The following RIC8B variants were observed in gnomAD, a reference collection of about 807,000 sequenced individuals.
RIC8B encodes chaperone Ric-8B.
Under a neutral mutation model 57.5 loss-of-function variants are expected in RIC8B, and 16 were observed. That is an observed-to-expected ratio of 0.28 (90% CI 0.19 to 0.42). RIC8B has a LOEUF of 0.42. RIC8B is among the 10% of genes least tolerant of loss of function. RIC8B has a pLI of 1.00. For missense variants in RIC8B, 481 were observed against 677.0 expected, an observed-to-expected ratio of 0.71 and a Z score of 3.21; for synonymous variants, 216 against 250.8, an observed-to-expected ratio of 0.86 and a Z score of 1.31.
Position 106,815,243 on chromosome 12 carries a change from C to G in RIC8B, c.680C>G (p.Ala227Gly). The G allele has an allele frequency of 6.2e-7, 1 of 1,614,096 alleles. No homozygotes were observed. The highest frequency in any genetic ancestry group is 8.5e-7 in the Non-Finnish European group (1 of 1,179,994). ...PPLSPQETDC[A>G]IEALKALFNV... is the part of the protein sequence containing the mutation. Reference sequence around the variant, plus strand: ...CTCTCACCTCAGGAGACAGACTGTGCCATTGAGGCCCTCAAAGCTCTCTTC... The same window carrying G: ...CTCTCACCTCAGGAGACAGACTGTGGCATTGAGGCCCTCAAAGCTCTCTTC... Residue 227 changes from alanine to glycine, a missense_variant, in exon 3 of 10, where the codon GCC (alanine) becomes GGC (glycine). Around this residue, in one of 3 missense-constraint regions of RIC8B, gnomAD observed 421 missense variants for 560.9 expected, o/e 0.75. Coordinates refer to ENST00000392837, the MANE Select transcript of RIC8B (RefSeq NM_001330145.2).
chr12:106,776,590 T>C (rs886260940), intron 1 of RIC8B, among the ~76,000 whole-genome samples: 1 of 152,200 alleles, frequency 6.6e-6, no homozygotes, highest in Admixed American at 6.5e-5. Flanking sequence ...CTAATTAGAC[T>C]CCAGATTTGC....
chr12:106,794,374 A>G (rs987187669), intron 2 of RIC8B, among the ~76,000 whole-genome samples: 4 of 152,168 alleles, frequency 2.6e-5, no homozygotes, highest in African/African-American at 9.6e-5. Flanking sequence ...GGAGAGAGAA[A>G]GAAAGGAGAA....
At chr12:106,825,308 A>G (rs2046046280) in intron 3 of RIC8B, among the ~76,000 whole-genome samples, 1 of 152,168 alleles carries the variant, frequency 6.6e-6, no homozygotes, top group South Asian at 2.1e-4. Context: ...TCGTGGATTT[A>G]TTGCTTTGAA....
chr12:106,811,699 A>T lies in RIC8B; in HGVS notation c.133-2997A>T, dbSNP rs192228850. 2.0e-3 allele frequency among the ~76,000 whole-genome samples: 309 copies of T among 152,290 alleles called. 2 individuals carry two copies. Among genetic ancestry groups the T allele is most frequent in the African/African-American group, 7.0e-3 (293 of 41,562 alleles). On this transcript the variant is annotated intron_variant, in intron 2 of 9. Coordinates refer to ENST00000392837, the MANE Select transcript of RIC8B (RefSeq NM_001330145.2). ...TGAAGAAGAAACTGTGTGTGTTTGC[A>T]TTGTGTGTATCAGACAACAGTAGGA...
chr12:106,803,426 TTGAC>T (rs1399183800), intron 2 of RIC8B, among the ~76,000 whole-genome samples: 1 of 152,164 alleles, frequency 6.6e-6, no homozygotes, highest in Non-Finnish European at 1.5e-5. Flanking sequence ...CACAGTTTGT[TTGAC>T]TGTGCAGCTC....
rs2045535282 is a variant in RIC8B, at chr12:106,815,533, T to G, written c.741+229T>G. On this transcript the variant is annotated intron_variant, in intron 3 of 9. Transcript: ENST00000392837. ...GGTGTAAAAATGGACTACTATTTTG[T>G]AAGATGCCAAATATAGTTTTCTGAG... 2.6e-5 allele frequency among the ~76,000 whole-genome samples: 4 copies of G among 152,384 alleles called. No homozygotes were observed. In the South Asian group the frequency reaches 8.3e-4, roughly 32 times the overall value.
intron 2 of RIC8B, among the ~76,000 whole-genome samples, chr12:106,812,506 TTG>T (rs2045381375): frequency 6.6e-6 from 1 of 152,002 alleles, no homozygotes; most frequent in South Asian, 2.1e-4. Context: ...AGAAAGATAT[TTG>T]TGTGCTTTTA....
At chr12:106,866,110 A>AACTT (rs759648319) in intron 8 of RIC8B, among the ~76,000 whole-genome samples, 22 of 152,190 alleles carry the variant, frequency 1.4e-4, no homozygotes, top group Non-Finnish European at 2.5e-4. Flanking sequence ...CATTCCATAT[A>AACTT]ACTTACTTAT....
At chr12:106,824,666 C>T (rs773331874) in intron 3 of RIC8B, among the ~76,000 whole-genome samples, 2 of 151,966 alleles carry the variant, frequency 1.3e-5, no homozygotes, top group Non-Finnish European at 2.9e-5. Context: ...GAGGTCAAGG[C>T]GGGTGGATCA....
At chr12:106,810,822 A>G (rs1460032641) in intron 2 of RIC8B, among the ~76,000 whole-genome samples, 1 of 152,246 alleles carries the variant, frequency 6.6e-6, no homozygotes, top group African/African-American at 2.4e-5. Flanking sequence ...GATAACCTGT[A>G]CTGAACATTT....
intron 3 of RIC8B, among the ~76,000 whole-genome samples, chr12:106,816,671 A>C (rs901168026): frequency 1.1e-4 from 16 of 152,180 alleles, no homozygotes; most frequent in African/African-American, 3.9e-4. Context: ...ATTATACCCA[A>C]AATAGTAGCT....
At chr12:106,785,805 CTCTCTCTCTGTGTGTGTG>C (rs993400234) in intron 2 of RIC8B, among the ~76,000 whole-genome samples, 11 of 127,920 alleles carry the variant, frequency 8.6e-5, no homozygotes, top group African/African-American at 3.3e-4. Flanking sequence ...CTCTCTCTCT[CTCTCTCTCTGTGTGTGTG>C]TGTGTGTGTG....
At chr12:106,869,370 G>A (rs1248330898) in intron 8 of RIC8B, among the ~76,000 whole-genome samples, 1 of 151,954 alleles carries the variant, frequency 6.6e-6, no homozygotes, top group Non-Finnish European at 1.5e-5. Flanking sequence ...TTGCCCAACC[G>A]AAAGTCTCAA....
chr12:106,850,683 A>G (rs1376405946), intron 6 of RIC8B, among the ~76,000 whole-genome samples: 1 of 152,214 alleles, frequency 6.6e-6, no homozygotes, highest in Non-Finnish European at 1.5e-5. Context: ...TAATGTATAT[A>G]TATCATCTAT....
intron 5 of RIC8B, 97 bp downstream of exon 5, chr12:106,842,914 C>G (rs1949022096): frequency 1.4e-6 from 1 of 730,918 alleles, no homozygotes; most frequent in Non-Finnish European, 2.2e-6. Flanking sequence ...ATTTTTAAAT[C>G]TAAGCTTTTT....
chr12:106,847,562 C>T (rs764470144), intron 6 of RIC8B, among the ~76,000 whole-genome samples: 3 of 152,072 alleles, frequency 2.0e-5, no homozygotes, highest in Non-Finnish European at 4.4e-5. Flanking sequence ...ATTCCATAAA[C>T]ACTTTAGATA....
Position 106,799,322 on chromosome 12 carries a change from C to A in RIC8B, c.132+15278C>A, listed in dbSNP as rs145657560. 2.0e-3 allele frequency among the ~76,000 whole-genome samples: 297 copies of A among 152,282 alleles called. 4 individuals are homozygous for A. Among genetic ancestry groups the A allele is most frequent in the African/African-American group, 6.8e-3 (281 of 41,558 alleles). Reference sequence around the variant, plus strand: ...CTGGCCATCTTTATGATGTAATGTGCATCAACCTCCTACTCTATGCCAAGC... The same window carrying A: ...CTGGCCATCTTTATGATGTAATGTGAATCAACCTCCTACTCTATGCCAAGC... On this transcript the variant is annotated intron_variant, in intron 2 of 9. Transcript: ENST00000392837.
intron 3 of RIC8B, among the ~76,000 whole-genome samples, chr12:106,818,460 G>A (rs752052704): frequency 2.6e-5 from 4 of 151,780 alleles, no homozygotes; most frequent in African/African-American, 7.3e-5. Flanking sequence ...CACCGCGCCC[G>A]GCCTCTCTTT....
chr12:106,843,909 C>T lies in RIC8B; in HGVS notation c.1123C>T (p.Arg375Ter). Residue 375 changes from arginine (R) to a stop codon, truncating the protein, a stop_gained, in exon 6 of 10, where the codon CGA (arginine) becomes TGA (stop). Coordinates refer to ENST00000392837, the MANE Select transcript of RIC8B (RefSeq NM_001330145.2). LOFTEE classifies it high-confidence loss of function. ...TCTCAGCTTATTAACCGAATGTTCC[C>T]GAGCCCATCGAAACATCCGAAAATT... ...PVLSLLTECS[R>*]AHRNIRKFLK... The T allele has an allele frequency of 1.2e-6, 2 of 1,613,502 alleles. No individual in the cohort carries two copies. Among genetic ancestry groups the T allele is most frequent in the Non-Finnish European group, 1.7e-6 (2 of 1,179,842 alleles).
Sources: allele counts gnomAD v4.1 joint callset (sites outside exome capture counted in the v4.1 genomes callset), GRCh38; gene constraint gnomAD v4.1.1; regional missense constraint gnomAD v4.1.1; transcripts MANE v1.5; gene names NCBI Gene and HGNC (gene_info 2026-07-23, HGNC 2026-07-21).